The following SLC9C1 variants were observed in gnomAD, a reference collection of about 807,000 sequenced individuals.
The protein encoded by SLC9C1 is sodium/hydrogen exchanger 10.
SLC9C1 carries 97 observed loss-of-function variants against 140.9 expected under a neutral mutation model. That is an observed-to-expected ratio of 0.69 (90% confidence interval 0.58 to 0.82). SLC9C1 has a LOEUF of 0.82. SLC9C1 is among the 40% of genes least tolerant of loss of function. The pLI is 0.00. For synonymous variants in SLC9C1, 440 were observed against 442.6 expected (o/e 0.99, Z 0.07); for missense variants, 1,340 against 1,389.3 (o/e 0.96, Z 0.56).
chr3:112,153,343 T>C (rs1283121565), intron 27 of SLC9C1, among the ~76,000 whole-genome samples: 1 of 116,124 alleles, frequency 8.6e-6, no homozygotes, highest in African/African-American at 3.3e-5. Context: ...AAATATGCTA[T>C]TAAGGCAGCA....
At chr3:112,258,408 G>T (rs1023474878) in intron 10 of SLC9C1, among the ~76,000 whole-genome samples, 4 of 151,550 alleles carry the variant, frequency 2.6e-5, no homozygotes, top group Non-Finnish European at 5.9e-5. Flanking sequence ...GGGTTTTTTT[G>T]TTTGTTTGTT....
At chr3:112,287,796 C>T (rs1228177287) in intron 1 of SLC9C1, among the ~76,000 whole-genome samples, 1 of 152,020 alleles carries the variant, frequency 6.6e-6, no homozygotes, top group Non-Finnish European at 1.5e-5. Flanking sequence ...GCCTGTAATC[C>T]CAATACTTTG....
intron 15 of SLC9C1, among the ~76,000 whole-genome samples, chr3:112,211,166 T>A (rs1470121460): frequency 1.3e-5 from 2 of 152,210 alleles, no homozygotes; most frequent in Non-Finnish European, 2.9e-5. Context: ...CAAAAATTTT[T>A]AAAAAGAAAT....
At chr3:112,250,343 T>C (rs2079417983) in intron 10 of SLC9C1, among the ~76,000 whole-genome samples, 1 of 151,412 alleles carries the variant, frequency 6.6e-6, no homozygotes, top group African/African-American at 2.4e-5. Flanking sequence ...TCCAAGTCTT[T>C]GCTATTGTGA....
intron 3 of SLC9C1, 114 bp downstream of exon 3, chr3:112,280,569 T>C (rs1349348394): frequency 2.4e-6 from 2 of 838,038 alleles, no homozygotes; most frequent in African/African-American, 3.5e-5. Flanking sequence ...CACAATCATC[T>C]ATCAACTGGC....
At chr3:112,167,556 A>T (rs1016265927) in intron 25 of SLC9C1, among the ~76,000 whole-genome samples, 1 of 152,180 alleles carries the variant, frequency 6.6e-6, no homozygotes, top group Non-Finnish European at 1.5e-5. Flanking sequence ...ATTGATTTTT[A>T]AATATTTCTA....
intron 11 of SLC9C1, among the ~76,000 whole-genome samples, chr3:112,240,333 T>C (rs1219913868): frequency 6.6e-6 from 1 of 152,236 alleles, no homozygotes; most frequent in African/African-American, 2.4e-5. Flanking sequence ...GTTTGATATA[T>C]GAGGAAACAA....
rs2078825254 is a variant in SLC9C1, at chr3:112,231,432, T to C, written c.1501A>G (p.Lys501Glu). 1 of 1,613,128 alleles carries C rather than the reference T, an allele frequency of 6.2e-7. No individual in the cohort carries two copies. The highest frequency in any genetic ancestry group is 1.1e-5 in the South Asian group (1 of 91,000). Residue 501 changes from lysine to glutamate, a missense_variant, in exon 13 of 29, where the codon AAG (lysine) becomes GAG (glutamate). Physicochemically the swap from Lys to Glu is moderately conservative, Grantham distance 56. Transcript: ENST00000305815. ...GTGTTAAAGATCTCATCTATTTCCT[T>C]GTTACAGTGTGGACATTTCACCTTC... Reference protein sequence around the residue: ...HQKVKCPHCNKEIDEIFNTEA... With the variant: ...HQKVKCPHCNEEIDEIFNTEA...
intron 11 of SLC9C1, 108 bp from the exon 12 acceptor site, chr3:112,240,114 A>G: frequency 9.6e-7 from 1 of 1,040,434 alleles, no homozygotes; most frequent in South Asian, 1.8e-5. Context: ...TTTAAATAAA[A>G]TTTCAACATA....
intron 28 of SLC9C1, chr3:112,151,364 CAA>C: frequency 1.9e-6 from 1 of 519,026 alleles, no homozygotes; most frequent in Non-Finnish European, 3.8e-6. Context: ...CCTTTCTTTA[CAA>C]AGACTTTGCT....
intron 18 of SLC9C1, among the ~76,000 whole-genome samples, chr3:112,201,332 A>C (rs1031575240): frequency 6.6e-6 from 1 of 152,044 alleles, no homozygotes; most frequent in Non-Finnish European, 1.5e-5. Flanking sequence ...AAGTCTTTTC[A>C]TATTTTCTCC....
rs1202060953 is a variant in SLC9C1 at position 112,277,855 on chromosome 3, A to G, written c.324T>C (p.Leu108=). ...CCAAAAAGCCGGGAATTGAAATTAA[A>G]AGTATCTGCAAAGAAATTTTACAAT... ...YMLQKLFWQI[L]LISIPGFLVN... The change falls in exon 5 of 29, where the codon CTT becomes CTC. Residue 108 remains leucine (L), a synonymous_variant. Coordinates refer to ENST00000305815, the MANE Select transcript of SLC9C1 (RefSeq NM_183061.3). 2 of 1,592,170 alleles carry G rather than the reference A, an allele frequency of 1.3e-6. No homozygotes were observed. Among genetic ancestry groups the G allele is most frequent in the Non-Finnish European group, 1.7e-6 (2 of 1,173,276 alleles).
intron 6 of SLC9C1, among the ~76,000 whole-genome samples, chr3:112,273,083 C>T (rs2080119162): frequency 6.6e-6 from 1 of 152,034 alleles, no homozygotes; most frequent in Admixed American, 6.6e-5. Flanking sequence ...AGTAGGTGAA[C>T]ACGGATCCTC....
chr3:112,202,402 G>A lies in SLC9C1; in HGVS notation c.2173-3C>T. ...TGCAGCAACTTTGGTGCTATGAGCT[G>A]AATTAAACAGGACTTCCATTAATAT... On this transcript the variant is annotated splice_region_variant and splice_polypyrimidine_tract_variant and intron_variant, in intron 17 of 28. Coordinates refer to ENST00000305815, the MANE Select transcript of SLC9C1 (RefSeq NM_183061.3). The A allele has an allele frequency of 6.3e-7, 1 of 1,582,344 alleles. No homozygotes were observed. Among genetic ancestry groups the A allele is most frequent in the Non-Finnish European group, 8.6e-7 (1 of 1,163,286 alleles).
intron 16 of SLC9C1, 66 bp downstream of exon 16, chr3:112,208,112 A>G (rs1039393579): frequency 7.7e-7 from 1 of 1,291,190 alleles, no homozygotes; most frequent in Non-Finnish European, 1.0e-6. Context: ...GGTGTTGAAA[A>G]ACAAGGCTAG....
Position 112,179,633 on chromosome 3 carries a change from T to C in SLC9C1, c.2817A>G (p.Ile939Met), listed in dbSNP as rs1046853391. ...MVESKEKDFP[I>M]IDTDYMLSGE... The stretch of plus-strand genomic sequence containing the variant: ...CACTGAGCATATAGTCTGTGTCAAT[T>C]ATCGGAAAATCTTTCTCCTTTGACT... The change falls in exon 23 of 29, where the codon ATA becomes ATG. Residue 939 changes from isoleucine (I) to methionine (M), a missense_variant. Physicochemically the swap from Ile to Met is conservative, Grantham distance 10. Coordinates refer to ENST00000305815, the MANE Select transcript of SLC9C1 (RefSeq NM_183061.3). 6.2e-7 allele frequency: 1 copy of C among 1,611,432 alleles called. No homozygotes were observed. The highest frequency in any genetic ancestry group is 1.3e-5 in the African/African-American group (1 of 74,862).
chr3:112,218,709 C>T (rs1434433058), intron 14 of SLC9C1, among the ~76,000 whole-genome samples: 6 of 152,208 alleles, frequency 3.9e-5, no homozygotes, highest in African/African-American at 9.6e-5. Flanking sequence ...TGCAGTAAAA[C>T]GTGGTAAGTG....
At chr3:112,223,114 T>C (rs888345281) in intron 13 of SLC9C1, among the ~76,000 whole-genome samples, 7 of 152,124 alleles carry the variant, frequency 4.6e-5, no homozygotes, top group East Asian at 3.8e-4. Flanking sequence ...AACATATCTA[T>C]AAAAGGCTTC....
intron 26 of SLC9C1, among the ~76,000 whole-genome samples, chr3:112,158,533 T>C (rs914754482): frequency 1.3e-5 from 2 of 152,056 alleles, no homozygotes; most frequent in South Asian, 2.1e-4. Context: ...GCTGGCCTAG[T>C]AGAATAAATT....
Sources: gnomAD v4.1 joint callset for allele counts (sites outside exome capture counted in the v4.1 genomes callset) on GRCh38, gnomAD v4.1.1 for gene constraint, MANE v1.5 for transcripts, NCBI Gene and HGNC (gene_info 2026-07-23, HGNC 2026-07-21) for gene names.